PHIP: variants seen among roughly 807,000 people sequenced by gnomAD.
PHIP encodes the protein PHIP subunit of CUL4-Ring ligase complex.
Under a neutral mutation model 236.8 loss-of-function variants are expected in PHIP, and 54 were observed. The ratio of observed to expected loss-of-function variants is 0.23; its 90% CI spans 0.18 to 0.29. The LOEUF is 0.29. Among genes scored for constraint, PHIP ranks in the 10% least tolerant of loss-of-function variants. The pLI is 1.00. For missense variants in PHIP, 1,370 were observed against 2,190.8 expected, an observed-to-expected ratio of 0.63 and a Z score of 7.48; for synonymous variants, 756 against 718.9, an observed-to-expected ratio of 1.05 and a Z score of -0.83.
rs1768923493 is a variant in PHIP, at chr6:78,987,228, A to G, written c.2460+981T>C. ...ATTTTAAATATTATATAGAAACTTAATATTTAGAGGAAACTCTTTCAAAAA... is the reference window on the plus strand; with the variant it reads ...ATTTTAAATATTATATAGAAACTTAGTATTTAGAGGAAACTCTTTCAAAAA... On this transcript the variant is annotated intron_variant, in intron 21 of 39. Transcript: ENST00000275034. Among the ~76,000 whole-genome samples the G allele has an allele frequency of 1.3e-5, 2 of 152,118 alleles. 1 individual carries two copies. The highest frequency in any genetic ancestry group is 4.1e-4 in the South Asian group (2 of 4,836).
In PHIP at chr6:78,938,720, GAAAAATTTGAAATTATTTT is replaced by G. The variant is rs1773362725; in HGVS notation, c.*1954_*1972del. ...AAAAAAATAAATATACAAAAAACCT[GAAAAATTTGAAATTATTTT>G]TCAACTGCAAAATCTCAGCAATGCA... On this transcript the variant is annotated 3_prime_UTR_variant, in exon 40 of 40. Transcript: ENST00000275034. 2.0e-5 allele frequency: 3 copies of G among 151,512 alleles called. No homozygotes were observed. Among genetic ancestry groups the G allele is most frequent in the Admixed American group, 6.6e-5 (1 of 15,226 alleles). The allele number at this position is 151,512 out of a possible 1,614,324, so 9.4% of individuals were successfully genotyped here. A position where few individuals can be genotyped will look rare whatever the true frequency, so the allele number is the denominator to read the frequency against.
Position 79,002,078 on chromosome 6 carries a change from C to T in PHIP, c.1700G>A (p.Arg567His). 1 of 1,612,936 alleles carries T rather than the reference C, an allele frequency of 6.2e-7. No homozygotes were observed. Among genetic ancestry groups the T allele is most frequent in the East Asian group, 2.2e-5 (1 of 44,830 alleles). ...ATCTAATACAAAATTGTTGGCATCA[C>T]GAATAAGTGGCCGATAATCACTATG... ...FFHSDYRPLI[R>H]DANNFVLDEQ... Residue 567 changes from arginine (R) to histidine (H), a missense_variant, in exon 17 of 40, where the codon CGT (arginine) becomes CAT (histidine). By Grantham distance (29) the Arg-to-His change is conservative (BLOSUM62 0). This residue lies in a region of PHIP where 133 missense variants were observed against 245.2 expected (regional missense o/e 0.54). Coordinates refer to ENST00000275034, the MANE Select transcript of PHIP (RefSeq NM_017934.7).
intron 22 of PHIP, among the ~76,000 whole-genome samples, chr6:78,984,147 T>C (rs1768720592): frequency 6.6e-6 from 1 of 152,134 alleles, no homozygotes; most frequent in South Asian, 2.1e-4. Flanking sequence ...CCACTACCCC[T>C]CTCCACTGTC....
At chr6:79,056,883 T>G (rs566063896) in intron 6 of PHIP, among the ~76,000 whole-genome samples, 1 of 152,234 alleles carries the variant, frequency 6.6e-6, no homozygotes, top group East Asian at 1.9e-4. Context: ...ATACAATATT[T>G]ACTCAGCGAG....
At chr6:79,013,206 C>T (rs1454708164) in intron 15 of PHIP, among the ~76,000 whole-genome samples, 1 of 151,486 alleles carries the variant, frequency 6.6e-6, no homozygotes, top group Admixed American at 6.6e-5. Context: ...TTTCATGAGA[C>T]CCAAAGGAGG....
intron 20 of PHIP, among the ~76,000 whole-genome samples, chr6:78,988,640 T>C (rs1650266035): frequency 1.3e-5 from 2 of 152,192 alleles, no homozygotes; most frequent in Non-Finnish European, 2.9e-5. Context: ...GATGAGGTTA[T>C]AGTACCAACT....
intron 20 of PHIP, among the ~76,000 whole-genome samples, chr6:78,989,091 A>C (rs1205641383): frequency 8.5e-6 from 1 of 117,644 alleles, no homozygotes; most frequent in South Asian, 3.7e-4. Flanking sequence ...TACCTAAAAA[A>C]CACAAAAAAC....
Position 78,958,510 on chromosome 6 carries a change from A to G in PHIP, c.3747T>C (p.Ala1249=). ...NEPGSPIVKS[A]KFVTDLLLHF... Reference sequence around the variant, plus strand: ...GTAGAAGAAGATCAGTCACGAATTTAGCAGATTTCACAATAGGGCTTCCAG... The same window carrying G: ...GTAGAAGAAGATCAGTCACGAATTTGGCAGATTTCACAATAGGGCTTCCAG... Residue 1249 remains alanine (A), a synonymous_variant, in exon 32 of 40, where the codon GCT becomes GCC. Transcript: ENST00000275034. The G allele has an allele frequency of 6.4e-7, 1 of 1,559,902 alleles. No individual in the cohort carries two copies. Among genetic ancestry groups the G allele is most frequent in the Non-Finnish European group, 8.8e-7 (1 of 1,131,384 alleles).
At chr6:78,973,918 T>C (rs1442562052) in intron 24 of PHIP, among the ~76,000 whole-genome samples, 2 of 151,538 alleles carry the variant, frequency 1.3e-5, no homozygotes, top group African/African-American at 4.9e-5. Context: ...CTCCCACACA[T>C]TAATAATGGG....
intron 13 of PHIP, 65 bp from the exon 14 acceptor site, chr6:79,015,848 T>G: frequency 9.7e-7 from 1 of 1,034,400 alleles, no homozygotes. Context: ...CCAAAACATA[T>G]AATCTATAAT....
At chr6:78,952,935 T>C (rs982951418) in intron 35 of PHIP, among the ~76,000 whole-genome samples, 15 of 152,138 alleles carry the variant, frequency 9.9e-5, no homozygotes, top group African/African-American at 3.6e-4. Flanking sequence ...TGAAGTACAG[T>C]ACTTCAGAAT....
At position 78,988,220 on chromosome 6, in the gene PHIP, T is replaced by C. The variant is rs768846658; in HGVS notation, c.2449A>G (p.Ser817Gly). Reference protein sequence around the residue: ...RPSEEIENGSSSSDEGEVVAV... With the variant: ...RPSEEIENGSGSSDEGEVVAV... ...TGCTGATATCTTACATCTGAAGAAC[T>C]ACTGCCATTTTCTATCTCTTCTGAG... Residue 817 changes from serine (S) to glycine (G), a missense_variant, in exon 21 of 40, where the codon AGT becomes GGT. By Grantham distance (56) the Ser-to-Gly change is moderately conservative (BLOSUM62 0). Around this residue, in one of 14 missense-constraint regions of PHIP, gnomAD observed 99 missense variants for 110.0 expected, o/e 0.90. Coordinates refer to ENST00000275034, the MANE Select transcript of PHIP (RefSeq NM_017934.7). 6 of 1,578,248 alleles carry C rather than the reference T, an allele frequency of 3.8e-6. No homozygotes were observed. Among genetic ancestry groups the C allele is most frequent in the Non-Finnish European group, 5.2e-6 (6 of 1,164,712 alleles).
At chr6:79,046,400 T>C (rs1382503691) in intron 6 of PHIP, among the ~76,000 whole-genome samples, 1 of 152,204 alleles carries the variant, frequency 6.6e-6, no homozygotes, top group Admixed American at 6.5e-5. Flanking sequence ...GCTTTATATT[T>C]GCTCTTCATC....
intron 15 of PHIP, among the ~76,000 whole-genome samples, chr6:79,004,829 G>A (rs781294322): frequency 3.9e-5 from 6 of 152,188 alleles, no homozygotes; most frequent in South Asian, 2.1e-4. Context: ...TATTAAAAAT[G>A]TGGCATAAGG....
At chr6:79,016,687 C>T (rs1447182736) in intron 12 of PHIP, 45 bp from the exon 13 acceptor site, 1 of 1,209,248 alleles carries the variant, frequency 8.3e-7, no homozygotes, top group Non-Finnish European at 1.2e-6. Flanking sequence ...ATCATACATG[C>T]TTTACCAAAA....
chr6:79,061,933 AG>A (rs1773401719), intron 4 of PHIP, among the ~76,000 whole-genome samples: 1 of 152,132 alleles, frequency 6.6e-6, no homozygotes, highest in Admixed American at 6.5e-5. Flanking sequence ...ATGTTTTTAA[AG>A]GTAGCTAATA....
intron 29 of PHIP, among the ~76,000 whole-genome samples, chr6:78,964,363 C>G (rs1342241788): frequency 6.6e-6 from 1 of 152,082 alleles, no homozygotes; most frequent in African/African-American, 2.4e-5. Context: ...TATTTTTTCT[C>G]TGACTTTGGA....
chr6:78,945,266 T>C, intron 39 of PHIP, 34 bp downstream of exon 39: 1 of 1,391,154 alleles, frequency 7.2e-7, no homozygotes, highest in Non-Finnish European at 1.0e-6. Flanking sequence ...AATAAGGATC[T>C]ACTGTATCTT....
At position 79,005,252 on chromosome 6, in the gene PHIP, T is replaced by C. The variant is rs139512225; in HGVS notation, c.1525-1394A>G. Among the ~76,000 whole-genome samples, 97 of 152,028 alleles carry C rather than the reference T, an allele frequency of 6.4e-4. 1 individual carries two copies. In the South Asian group the frequency reaches 8.1e-3, roughly 13 times the overall value. On this transcript the variant is annotated intron_variant, in intron 15 of 39. Transcript: ENST00000275034. ...TGAAGAAAGTTGGAGGATGATAAGA[T>C]AGGAGAAGAAGGTAACTGATTCCAA...
Sources: allele counts gnomAD v4.1 joint callset (sites outside exome capture counted in the v4.1 genomes callset), GRCh38; gene constraint gnomAD v4.1.1; regional missense constraint gnomAD v4.1.1; transcripts MANE v1.5; gene names NCBI Gene and HGNC (gene_info 2026-07-23, HGNC 2026-07-21).